Variants in PARD3B observed in about 807,000 individuals in gnomAD.
The protein encoded by PARD3B is partitioning defective 3 homolog B.
PARD3B carries 103 observed loss-of-function variants against 130.2 expected under a neutral mutation model. The observed-to-expected ratio is 0.79, with a 90% CI of 0.67 to 0.93. The LOEUF is 0.93. Among genes scored for constraint, PARD3B ranks in the 40% least tolerant of loss-of-function variants. PARD3B has a pLI of 0.00. For missense variants in PARD3B, 1,609 were observed against 1,499.2 expected, an observed-to-expected ratio of 1.07 and a Z score of -1.21; for synonymous variants, 583 against 553.2, an observed-to-expected ratio of 1.05 and a Z score of -0.76.
At chr2:204,642,676 G>A (rs1173467744) in intron 1 of PARD3B, among the ~76,000 whole-genome samples, 1 of 152,004 alleles carries the variant, frequency 6.6e-6, no homozygotes, top group Non-Finnish European at 1.5e-5. Flanking sequence ...GATATGGTTT[G>A]GCACTGTGTT....
chr2:205,550,925 G>GTGTA lies in PARD3B; in HGVS notation c.3181-2396_3181-2395insATGT, dbSNP rs1182727109. The stretch of plus-strand genomic sequence containing the variant: ...TCATGTTATAAATACATATAATTAT[G>GTGTA]TGTGTGTGTGTGTGTGTATATATAT... On this transcript the variant is annotated intron_variant, in intron 21 of 22. Transcript: ENST00000406610. The surrounding 1 kb of genome is among the most constrained non-coding windows in gnomAD (Gnocchi z 4.5). Among the ~76,000 whole-genome samples, 24 of 34,366 alleles carry GTGTA rather than the reference G, an allele frequency of 7.0e-4. No homozygotes were observed. Among genetic ancestry groups the GTGTA allele is most frequent in the African/African-American group, 1.6e-3 (24 of 14,594 alleles). The allele number at this position is 34,366 out of a possible 152,430, so 22.5% of individuals were successfully genotyped here.
At chr2:205,131,360 T>C (rs1466716875) in intron 10 of PARD3B, among the ~76,000 whole-genome samples, 2 of 152,224 alleles carry the variant, frequency 1.3e-5, no homozygotes, top group Non-Finnish European at 2.9e-5. Flanking sequence ...TGTCTTATGA[T>C]GAAGTCCTTG....
Position 204,913,438 on chromosome 2 carries a change from A to T in PARD3B, c.223-51714A>T, listed in dbSNP as rs1245303516. Among the ~76,000 whole-genome samples, 3 of 152,156 alleles carry T rather than the reference A, an allele frequency of 2.0e-5. No individual in the cohort carries two copies. In the East Asian group the frequency reaches 5.8e-4, roughly 29 times the overall value. ...GATAATGCGTGCAAAAGTGCTTAGA[A>T]CCACAGTTCTCATGGTTCCCAAATG... On this transcript the variant is annotated intron_variant, in intron 2 of 22. Transcript: ENST00000406610.
At chr2:205,611,342 A>G (rs942604511) in intron 22 of PARD3B, among the ~76,000 whole-genome samples, 4 of 152,198 alleles carry the variant, frequency 2.6e-5, no homozygotes, top group Non-Finnish European at 5.9e-5. Context: ...GATGTCTTTC[A>G]TCCTTGCGTA....
chr2:204,590,355 A>G (rs941873478), intron 1 of PARD3B, among the ~76,000 whole-genome samples: 9 of 152,218 alleles, frequency 5.9e-5, no homozygotes, highest in African/African-American at 2.2e-4. Context: ...CAACATATGA[A>G]TTCTGGGGAA....
intron 4 of PARD3B, among the ~76,000 whole-genome samples, chr2:205,086,833 C>T (rs889903746): frequency 4.6e-5 from 7 of 152,216 alleles, no homozygotes; most frequent in African/African-American, 1.4e-4. Context: ...ATCTGCATAT[C>T]CAGCCCCTAA....
intron 2 of PARD3B, among the ~76,000 whole-genome samples, chr2:204,812,541 A>T (rs2042999573): frequency 6.6e-6 from 1 of 152,078 alleles, no homozygotes; most frequent in African/African-American, 2.4e-5. Flanking sequence ...TTCTCCCCTG[A>T]TTCTTCCCTT....
intron 10 of PARD3B, among the ~76,000 whole-genome samples, chr2:205,152,653 G>A (rs1018088491): frequency 5.9e-5 from 9 of 152,020 alleles, no homozygotes; most frequent in Admixed American, 3.9e-4. Context: ...TTAGCCATTC[G>A]TCTAATCTTT....
rs2055406980 is a variant in PARD3B at position 205,615,688 on chromosome 2, C to A, written c.3493C>A (p.Gln1165Lys). 6.2e-7 allele frequency: 1 copy of A among 1,614,152 alleles called. No homozygotes were observed. The highest frequency in any genetic ancestry group is 1.1e-5 in the South Asian group (1 of 91,076). ...FRQDVPPSPP[Q>K]HQRMPAYQET... is the part of the protein sequence containing the mutation. Reference sequence around the variant, plus strand: ...ACAAGACGTTCCGCCTTCCCCTCCCCAGCACCAAAGAATGCCAGCCTATCA... The same window carrying A: ...ACAAGACGTTCCGCCTTCCCCTCCCAAGCACCAAAGAATGCCAGCCTATCA... Residue 1165 changes from glutamine (Q) to lysine (K), a missense_variant, in exon 23 of 23, where the codon CAG (glutamine) becomes AAG (lysine). Coordinates refer to ENST00000406610, the MANE Select transcript of PARD3B (RefSeq NM_001302769.2).
chr2:205,609,334 A>C (rs2055141060), intron 22 of PARD3B, among the ~76,000 whole-genome samples: 1 of 152,170 alleles, frequency 6.6e-6, no homozygotes, highest in Admixed American at 6.5e-5. Flanking sequence ...AGAACCAGAG[A>C]AGAAAGCACC....
At position 205,584,041 on chromosome 2, in the gene PARD3B, G is replaced by T. The variant is rs1226028649; in HGVS notation, c.3260+30638G>T. 6.6e-6 allele frequency among the ~76,000 whole-genome samples: 1 copy of T among 152,172 alleles called. No homozygotes were observed. The highest frequency in any genetic ancestry group is 2.4e-5 in the African/African-American group (1 of 41,428). Reference sequence around the variant, plus strand: ...GGGCATTTTCAAATATTTTATCTTGGAAACTTGATTTTCGAAGTATTTAGG... The same window carrying T: ...GGGCATTTTCAAATATTTTATCTTGTAAACTTGATTTTCGAAGTATTTAGG... On this transcript the variant is annotated intron_variant, in intron 22 of 22. Transcript: ENST00000406610. The surrounding 1 kb of genome is among the most constrained non-coding windows in gnomAD (Gnocchi z 5.5).
At chr2:205,360,425 T>A (rs13025642) in intron 18 of PARD3B, among the ~76,000 whole-genome samples, 90,628 of 151,874 alleles carry the variant, frequency 0.6, 30,463 homozygotes, top group South Asian at 0.77. Flanking sequence ...GAAATCTTTT[T>A]CCGCCTCTAT....
At chr2:204,596,936 CTCTA>C (rs1179329178) in intron 1 of PARD3B, among the ~76,000 whole-genome samples, 33 of 151,626 alleles carry the variant, frequency 2.2e-4, no homozygotes, top group African/African-American at 5.1e-4. Context: ...CTCTCTCTCT[CTCTA>C]TCTGTCTCTC....
Position 205,280,640 on chromosome 2 carries a change from C to T in PARD3B, c.2186-19890C>T, listed in dbSNP as rs923782705. Reference sequence around the variant, plus strand: ...TCAAGCTGTGTTTGTCTTATTTGTACATTTATAGTAAAGTAATCTACAAGT... The same window carrying T: ...TCAAGCTGTGTTTGTCTTATTTGTATATTTATAGTAAAGTAATCTACAAGT... On this transcript the variant is annotated intron_variant, in intron 16 of 22. Coordinates refer to ENST00000406610, the MANE Select transcript of PARD3B (RefSeq NM_001302769.2). This position sits in a 1 kb window ranked among gnomAD's most constrained non-coding sequence, Gnocchi z 4.7. 3.9e-5 allele frequency among the ~76,000 whole-genome samples: 6 copies of T among 152,140 alleles called. No individual in the cohort carries two copies. The highest frequency in any genetic ancestry group is 4.4e-5 in the Non-Finnish European group (3 of 68,020).
At chr2:204,910,988 T>C (rs1409582982) in intron 2 of PARD3B, among the ~76,000 whole-genome samples, 5 of 152,166 alleles carry the variant, frequency 3.3e-5, no homozygotes, top group Non-Finnish European at 7.4e-5. Flanking sequence ...TGCCATAAAA[T>C]GGGCACAGAA....
intron 2 of PARD3B, among the ~76,000 whole-genome samples, chr2:204,700,592 A>G (rs1000969971): frequency 2.6e-5 from 4 of 152,100 alleles, no homozygotes; most frequent in African/African-American, 7.2e-5. Context: ...TTCACTGTCC[A>G]TTGGATCTGG....
intron 4 of PARD3B, among the ~76,000 whole-genome samples, chr2:205,074,315 C>G (rs138269581): frequency 6.6e-6 from 1 of 152,130 alleles, no homozygotes; most frequent in African/African-American, 2.4e-5. Flanking sequence ...AATTATATAT[C>G]TTATGTAATA....
chr2:204,798,333 C>G (rs182923079), intron 2 of PARD3B, among the ~76,000 whole-genome samples: 80 of 152,306 alleles, frequency 5.3e-4, no homozygotes, highest in Admixed American at 1.4e-3. Flanking sequence ...TCAGGTGGCA[C>G]TCATGGAGGG....
chr2:205,448,205 TA>T (rs1391484427), intron 20 of PARD3B, among the ~76,000 whole-genome samples: 3 of 152,198 alleles, frequency 2.0e-5, no homozygotes, highest in Non-Finnish European at 4.4e-5. Context: ...ATGTGTACAC[TA>T]AAGTCTATTG....
Sources: allele counts gnomAD v4.1 joint callset (sites outside exome capture counted in the v4.1 genomes callset), GRCh38; gene constraint gnomAD v4.1.1; non-coding constraint Gnocchi (gnomAD v3.1); transcripts MANE v1.5; gene names NCBI Gene and HGNC (gene_info 2026-07-23, HGNC 2026-07-21).